KIAA1143: variants seen among roughly 807,000 people sequenced by gnomAD.
KIAA1143 encodes the protein KIAA1143, also known as uncharacterized protein KIAA1143.
Under a neutral mutation model 17.0 loss-of-function variants are expected in KIAA1143, and 8 were observed. That is an observed-to-expected ratio of 0.47 (90% CI 0.28 to 0.85). KIAA1143 has a LOEUF of 0.85. KIAA1143 is among the 40% of genes least tolerant of loss of function. KIAA1143 has a pLI of 0.12. For synonymous variants in KIAA1143, 64 were observed against 67.8 expected, an observed-to-expected ratio of 0.94 and a Z score of 0.27; for missense variants, 162 against 183.3, an observed-to-expected ratio of 0.88 and a Z score of 0.67.
In KIAA1143 at chr3:44,761,569, G is replaced by C; in HGVS notation, c.34C>G (p.Pro12Ala). 2.5e-6 allele frequency: 4 copies of C among 1,614,104 alleles called. No homozygotes were observed. The highest frequency in any genetic ancestry group is 3.4e-6 in the Non-Finnish European group (4 of 1,180,030). ...SKRNQVSYVR[P>A]AEPAFLARFK... is the part of the protein sequence containing the mutation. ...CGGGCCAGAAACGCCGGCTCGGCTG[G>C]CCGCACGTACGATACCTGGTTCCGC... Residue 12 changes from proline (P) to alanine (A), a missense_variant, in exon 1 of 3, where the codon CCA becomes GCA. Physicochemically the swap from Pro to Ala is conservative, Grantham distance 27. This residue lies in a region of KIAA1143 where 137 missense variants were observed against 132.5 expected (regional missense o/e 1.03). Transcript: ENST00000296121.
intron 1 of KIAA1143, among the ~76,000 whole-genome samples, chr3:44,760,653 G>T (rs1011735699): frequency 6.7e-6 from 1 of 150,256 alleles, no homozygotes; most frequent in Non-Finnish European, 1.5e-5. Flanking sequence ...CTCCCAGAGC[G>T]CTGGGATTAC....
chr3:44,760,689 T>C (rs1705081806), intron 1 of KIAA1143, among the ~76,000 whole-genome samples: 1 of 149,816 alleles, frequency 6.7e-6, no homozygotes, highest in South Asian at 2.1e-4. Flanking sequence ...GGCCCGGCTT[T>C]TTTTTTTTTT....
intron 1 of KIAA1143, among the ~76,000 whole-genome samples, chr3:44,760,872 G>A (rs906003230): frequency 2.4e-4 from 36 of 151,790 alleles, no homozygotes; most frequent in African/African-American, 6.5e-4. Flanking sequence ...TAGCAGAGAC[G>A]GGGGGTTTCA....
At position 44,752,345 on chromosome 3, in the gene KIAA1143, C is replaced by G. The variant is rs958789787; in HGVS notation, c.*996G>C. ...AGGGTGTACGCCAAGTAACCAATGG[C>G]AAACCTCTAGAGGATATTCATTGCT... On this transcript the variant is annotated 3_prime_UTR_variant, in exon 3 of 3. Coordinates refer to ENST00000296121, the MANE Select transcript of KIAA1143 (RefSeq NM_020696.4). 18 of 150,974 alleles carry G rather than the reference C, an allele frequency of 1.2e-4. No individual in the cohort carries two copies. Among genetic ancestry groups the G allele is most frequent in the African/African-American group, 4.4e-4 (18 of 41,296 alleles). The allele number at this position is 150,974 out of a possible 1,614,324, so 9.4% of individuals were successfully genotyped here. A position where few individuals can be genotyped will look rare whatever the true frequency, so the allele number is the denominator to read the frequency against.
At position 44,754,263 on chromosome 3, in the gene KIAA1143, C is replaced by A. The variant is rs1277998158; in HGVS notation, c.214G>T (p.Val72Phe). 2 of 1,613,886 alleles carry A rather than the reference C, an allele frequency of 1.2e-6. No homozygotes were observed. Among genetic ancestry groups the A allele is most frequent in the African/African-American group, 2.7e-5 (2 of 74,912 alleles). The change falls in exon 2 of 3, where the codon GTC (valine) becomes TTC (phenylalanine). Residue 72 changes from valine to phenylalanine, a missense_variant. By Grantham distance (50) the Val-to-Phe change is conservative. Around this residue, in one of 2 missense-constraint regions of KIAA1143, gnomAD observed 137 missense variants for 132.5 expected, o/e 1.03. Transcript: ENST00000296121. ...LKKGDLSVEE[V>F]MKIKAEIKAA... ...TTTATTTCTGCTTTAATTTTCATGA[C>A]TTCTTCAACTGACAGGTCTCCCTTT...
In KIAA1143 at chr3:44,749,179, G is replaced by C. The variant is rs1166002650; in HGVS notation, c.*4162C>G. ...CGAGGCAGGTGGATCATGAGGTCAG[G>C]AGATTGAGACCATCCTGGCTAACAA... On this transcript the variant is annotated 3_prime_UTR_variant, in exon 3 of 3. Transcript: ENST00000296121. 2.0e-5 allele frequency: 3 copies of C among 152,128 alleles called. No individual in the cohort carries two copies. 9.4% of individuals were successfully genotyped at this position (152,128 alleles called of 1,614,324 possible). A position where few individuals can be genotyped will look rare whatever the true frequency, so the allele number is the denominator to read the frequency against.
chr3:44,760,880 T>C (rs1227741625), intron 1 of KIAA1143, among the ~76,000 whole-genome samples: 1 of 151,896 alleles, frequency 6.6e-6, no homozygotes, highest in Non-Finnish European at 1.5e-5. Flanking sequence ...ACGGGGGGTT[T>C]CACCATATTG....
rs969051727 is a variant in KIAA1143 at position 44,761,477 on chromosome 3, C to A, written c.108+18G>T. On this transcript the variant is annotated intron_variant, in intron 1 of 2. Coordinates refer to ENST00000296121, the MANE Select transcript of KIAA1143 (RefSeq NM_020696.4). The stretch of plus-strand genomic sequence containing the variant: ...GGCTGGCTGCGCTTCCGAAGAAACA[C>A]GACTGGCGAAGGCTCACCTTAGTCT... 2 of 1,591,504 alleles carry A rather than the reference C, an allele frequency of 1.3e-6. No homozygotes were observed. Among genetic ancestry groups the A allele is most frequent in the African/African-American group, 1.3e-5 (1 of 74,212 alleles).
intron 1 of KIAA1143, among the ~76,000 whole-genome samples, chr3:44,759,018 C>A (rs1035452694): frequency 3.3e-5 from 5 of 152,038 alleles, no homozygotes; most frequent in African/African-American, 1.2e-4. Flanking sequence ...TGCATGCCAC[C>A]ACACTGGGCT....
intron 1 of KIAA1143, 70 bp from the exon 2 acceptor site, chr3:44,754,438 G>T: frequency 1.5e-6 from 2 of 1,378,240 alleles, no homozygotes; most frequent in African/African-American, 2.9e-5. Context: ...GCCTCTAAGA[G>T]AAACTGTAAT....
At chr3:44,756,110 C>A (rs1704965591) in intron 1 of KIAA1143, among the ~76,000 whole-genome samples, 1 of 152,200 alleles carries the variant, frequency 6.6e-6, no homozygotes, top group African/African-American at 2.4e-5. Flanking sequence ...GAAATAAAAT[C>A]ATTCCTTTTG....
At chr3:44,760,491 G>A (rs1429053785) in intron 1 of KIAA1143, among the ~76,000 whole-genome samples, 2 of 152,038 alleles carry the variant, frequency 1.3e-5, no homozygotes, top group African/African-American at 4.8e-5. Context: ...CTGGGTTCAC[G>A]CCATTCTCCT....
At chr3:44,761,383 C>G in intron 1 of KIAA1143, 112 bp downstream of exon 1, 1 of 767,446 alleles carries the variant, frequency 1.3e-6, no homozygotes, top group Non-Finnish European at 2.1e-6. Context: ...GAATTGGGTT[C>G]GAGCGCGGGT....
chr3:44,756,664 G>A (rs79890269), intron 1 of KIAA1143, among the ~76,000 whole-genome samples: 171 of 152,308 alleles, frequency 1.1e-3, no homozygotes, highest in East Asian at 9.6e-3. Flanking sequence ...CCTGACTGCA[G>A]TAGTCCCCTC....
intron 2 of KIAA1143, 111 bp from the exon 3 acceptor site, chr3:44,753,663 T>A: frequency 9.5e-7 from 1 of 1,056,324 alleles, no homozygotes; most frequent in Non-Finnish European, 1.3e-6. Context: ...TCCCTGAATC[T>A]GATTCAGTCT....
At chr3:44,754,443 TG>T in intron 1 of KIAA1143, 75 bp from the exon 2 acceptor site, 1 of 1,342,104 alleles carries the variant, frequency 7.5e-7, no homozygotes, top group Non-Finnish European at 1.0e-6. Context: ...TAAGAGAAAC[TG>T]TAATTATTTA....
intron 2 of KIAA1143, 57 bp downstream of exon 2, chr3:44,754,167 A>G: frequency 1.3e-6 from 2 of 1,571,946 alleles, no homozygotes; most frequent in South Asian, 2.3e-5. Context: ...AAAATAAACA[A>G]TTTCATACCC....
At chr3:44,760,793 CTG>C (rs1559512659) in intron 1 of KIAA1143, among the ~76,000 whole-genome samples, 2 of 151,502 alleles carry the variant, frequency 1.3e-5, no homozygotes, top group African/African-American at 4.9e-5. Flanking sequence ...TCGAGCGATT[CTG>C]TCTCAGCCTC....
At chr3:44,761,432 G>T in intron 1 of KIAA1143, 63 bp downstream of exon 1, 1 of 1,372,126 alleles carries the variant, frequency 7.3e-7, no homozygotes, top group Non-Finnish European at 1.0e-6. Context: ...TCCAAGTAGA[G>T]GCAAAAGTTG....
Sources: gnomAD v4.1 joint callset for allele counts (sites outside exome capture counted in the v4.1 genomes callset) on GRCh38, gnomAD v4.1.1 for gene constraint, gnomAD v4.1.1 regional missense constraint, MANE v1.5 for transcripts, NCBI Gene and HGNC (gene_info 2026-07-23, HGNC 2026-07-21) for gene names.